MEGF10: variants seen among roughly 807,000 people sequenced by gnomAD.
The protein encoded by MEGF10 is multiple epidermal growth factor-like domains protein 10.
A neutral mutation model predicts 147.5 loss-of-function variants in MEGF10; 86 were observed. That is an observed-to-expected ratio of 0.58 (90% confidence interval 0.49 to 0.70). The LOEUF (loss-of-function observed/expected upper bound fraction) is 0.70, where lower values mean the gene tolerates loss of function less well. Among genes scored for constraint, MEGF10 ranks in the 30% least tolerant of loss-of-function variants. The pLI is 0.00. For synonymous variants in MEGF10, 478 were observed against 525.5 expected (o/e 0.91, Z 1.24); for missense variants, 1,329 against 1,487.3 (o/e 0.89, Z 1.75).
At chr5:127,442,560 A>C (rs1025183721) in intron 18 of MEGF10, among the ~76,000 whole-genome samples, 3 of 152,206 alleles carry the variant, frequency 2.0e-5, no homozygotes, top group African/African-American at 7.2e-5. Context: ...TGCGTTTATG[A>C]AGATCCCTGA....
At chr5:127,354,614 T>G (rs865913682) in intron 4 of MEGF10, among the ~76,000 whole-genome samples, 7 of 152,306 alleles carry the variant, frequency 4.6e-5, no homozygotes, top group African/African-American at 1.7e-4. Flanking sequence ...TGTATTTGAC[T>G]GCATAGTATC....
chr5:127,377,152 T>A (rs1471888759), intron 5 of MEGF10, among the ~76,000 whole-genome samples: 1 of 152,232 alleles, frequency 6.6e-6, no homozygotes, highest in Admixed American at 6.5e-5. Flanking sequence ...ATTCTGTGAT[T>A]TTATGTATGA....
chr5:127,255,299 G>A, the MEGF10 span, among the ~76,000 whole-genome samples: 9 of 152,156 alleles, frequency 5.9e-5, no homozygotes, highest in African/African-American at 1.2e-4. Flanking sequence ...CTCTGGCCTC[G>A]TGACAACTGA....
At chr5:127,300,230 A>G (rs767472975) in intron 1 of MEGF10, among the ~76,000 whole-genome samples, 3 of 152,132 alleles carry the variant, frequency 2.0e-5, no homozygotes, top group Non-Finnish European at 2.9e-5. Context: ...TTAATTTTCA[A>G]TTTGTTGCCA....
the MEGF10 span, among the ~76,000 whole-genome samples, chr5:127,267,547 G>T: frequency 0.022 from 3,313 of 152,206 alleles, 69 homozygotes; most frequent in Admixed American, 0.044. Context: ...GAATCAGTCT[G>T]GTCCTGGACT....
At chr5:127,374,528 A>T (rs1347253961) in intron 5 of MEGF10, among the ~76,000 whole-genome samples, 1 of 152,132 alleles carries the variant, frequency 6.6e-6, no homozygotes, top group African/African-American at 2.4e-5. Flanking sequence ...AAACCCCTGT[A>T]TTTCCACCTA....
chr5:127,442,938 G>A, intron 18 of MEGF10, 60 bp from the exon 19 acceptor site: 3 of 1,562,256 alleles, frequency 1.9e-6, no homozygotes, highest in Non-Finnish European at 2.6e-6. Context: ...CTTGCAGTCA[G>A]AGACAGCCTT....
At chr5:127,434,179 A>G (rs1765478625) in intron 14 of MEGF10, among the ~76,000 whole-genome samples, 1 of 152,194 alleles carries the variant, frequency 6.6e-6, no homozygotes, top group South Asian at 2.1e-4. Flanking sequence ...ACTTAAGTAT[A>G]TAGCATTTTG....
chr5:127,395,242 T>G (rs746576342), intron 5 of MEGF10, among the ~76,000 whole-genome samples: 14 of 152,134 alleles, frequency 9.2e-5, no homozygotes, highest in Non-Finnish European at 1.9e-4. Context: ...GGAATTGAAG[T>G]TTTTTTCCTT....
chr5:127,255,065 G>T, the MEGF10 span, among the ~76,000 whole-genome samples: 3 of 151,784 alleles, frequency 2.0e-5, no homozygotes, highest in Non-Finnish European at 2.9e-5. Flanking sequence ...GCTGTTGATT[G>T]GTTGGGGATG....
At chr5:127,429,153 G>T (rs752231857) in intron 13 of MEGF10, among the ~76,000 whole-genome samples, 18 of 152,104 alleles carry the variant, frequency 1.2e-4, no homozygotes, top group Admixed American at 2.0e-4. Context: ...CAATATTTTA[G>T]AAGTTATTTC....
chr5:127,231,140 C>T, the MEGF10 span, among the ~76,000 whole-genome samples: 4,307 of 152,288 alleles, frequency 0.028, 211 homozygotes, highest in African/African-American at 0.098. Context: ...ATGCAGTAGT[C>T]TCCTAATTGA....
intron 5 of MEGF10, among the ~76,000 whole-genome samples, chr5:127,395,157 A>G (rs1763853655): frequency 6.6e-6 from 1 of 152,226 alleles, no homozygotes; most frequent in African/African-American, 2.4e-5. Flanking sequence ...TCTAATAAAT[A>G]TACCGCTGGC....
At chr5:127,244,459 G>T in the MEGF10 span, among the ~76,000 whole-genome samples, 1 of 151,306 alleles carries the variant, frequency 6.6e-6, no homozygotes, top group Non-Finnish European at 1.5e-5. Context: ...AATAGCCAAA[G>T]AAACAGAAGA....
intron 1 of MEGF10, among the ~76,000 whole-genome samples, chr5:127,317,773 G>A (rs1760623304): frequency 6.6e-6 from 1 of 152,140 alleles, no homozygotes. Context: ...ATGGGGGAGG[G>A]ATAGCATTAG....
At chr5:127,282,281 T>C in the MEGF10 span, among the ~76,000 whole-genome samples, 2 of 152,222 alleles carry the variant, frequency 1.3e-5, no homozygotes, top group African/African-American at 4.8e-5. Flanking sequence ...GGAATTCTGA[T>C]GACTCCTCTT....
the MEGF10 span, among the ~76,000 whole-genome samples, chr5:127,267,030 T>G: frequency 1.3e-5 from 2 of 152,164 alleles, no homozygotes; most frequent in Non-Finnish European, 2.9e-5. Context: ...CCAGTTTTTG[T>G]CCATTCAGTA....
intron 18 of MEGF10, among the ~76,000 whole-genome samples, chr5:127,442,532 C>T (rs945839575): frequency 6.6e-6 from 1 of 152,178 alleles, no homozygotes; most frequent in Admixed American, 6.5e-5. Context: ...CTATTCCTGG[C>T]TAATTCAATT....
chr5:127,415,079 A>C (rs1434695213), intron 9 of MEGF10, among the ~76,000 whole-genome samples: 1 of 152,182 alleles, frequency 6.6e-6, no homozygotes, highest in East Asian at 1.9e-4. Context: ...ATTGAAAAAA[A>C]AAAATGATGC....
Sources: gnomAD v4.1 joint callset for allele counts (sites outside exome capture counted in the v4.1 genomes callset) on GRCh38, gnomAD v4.1.1 for gene constraint, MANE v1.5 for transcripts, NCBI Gene and HGNC (gene_info 2026-07-23, HGNC 2026-07-21) for gene names.